The following CACNA1C variants were observed in gnomAD, a reference collection of about 807,000 sequenced individuals.
CACNA1C encodes the protein calcium voltage-gated channel subunit alpha1 C.
A neutral mutation model predicts 229.0 loss-of-function variants in CACNA1C; 30 were observed. The observed-to-expected ratio is 0.13, with a 90% CI of 0.10 to 0.18. The LOEUF is 0.18. Among genes scored for constraint, CACNA1C ranks in the 10% least tolerant of loss-of-function variants. The probability of loss-of-function intolerance (pLI) is 1.00; values close to 1 mark genes in which losing one functional copy is unlikely to be tolerated. For synonymous variants in CACNA1C, 1,114 were observed against 1,132.5 expected (o/e 0.98, Z 0.33); for missense variants, 1,658 against 2,845.0 (o/e 0.58, Z 9.49).
chr12:2,044,806 T>C (rs915196312), intron 1 of CACNA1C, among the ~76,000 whole-genome samples: 2 of 152,204 alleles, frequency 1.3e-5, no homozygotes, highest in African/African-American at 4.8e-5. Flanking sequence ...TTACCTGACC[T>C]GTGTAAGACT....
chr12:2,539,169 C>T (rs912008017), intron 9 of CACNA1C, among the ~76,000 whole-genome samples: 17 of 152,172 alleles, frequency 1.1e-4, no homozygotes, highest in African/African-American at 1.4e-4. Context: ...GTCAGTGTCC[C>T]CATGGAAACA....
intron 22 of CACNA1C, chr12:2,603,905 G>A (rs1360584620): frequency 2.0e-5 from 3 of 152,260 alleles, no homozygotes; most frequent in African/African-American, 7.2e-5. Context: ...AAAAAAGTAT[G>A]GACAGCCATG....
chr12:2,180,730 C>A (rs530355211), intron 3 of CACNA1C, among the ~76,000 whole-genome samples: 1 of 152,262 alleles, frequency 6.6e-6, no homozygotes, highest in East Asian at 1.9e-4. Flanking sequence ...CCAGAATCAG[C>A]TGGGGACCTA....
intron 3 of CACNA1C, among the ~76,000 whole-genome samples, chr12:2,312,333 C>T (rs566088890): frequency 4.6e-5 from 7 of 152,286 alleles, no homozygotes; most frequent in South Asian, 4.1e-4. Flanking sequence ...GTGGGGCAGG[C>T]GTGCGGGTGT....
intron 3 of CACNA1C, among the ~76,000 whole-genome samples, chr12:2,191,773 C>T (rs1291442041): frequency 6.7e-6 from 1 of 148,680 alleles, no homozygotes; most frequent in African/African-American, 2.4e-5. Context: ...CACACCTCCA[C>T]AGGCACATAC....
chr12:2,596,364 G>A (rs2068177114), intron 20 of CACNA1C, among the ~76,000 whole-genome samples: 1 of 152,118 alleles, frequency 6.6e-6, no homozygotes, highest in African/African-American at 2.4e-5. Flanking sequence ...GGGAGCATTG[G>A]CAAATAGGTG....
chr12:2,477,536 G>T (rs540554706), intron 5 of CACNA1C, among the ~76,000 whole-genome samples: 2 of 152,268 alleles, frequency 1.3e-5, no homozygotes, highest in Middle Eastern at 6.8e-3. Flanking sequence ...CTGCTCTCTG[G>T]CTGGGGAGTC....
intron 13 of CACNA1C, among the ~76,000 whole-genome samples, chr12:2,577,908 G>A (rs1041942185): frequency 7.5e-5 from 11 of 146,670 alleles, no homozygotes; most frequent in Admixed American, 3.4e-4. Context: ...TCGCTCTGTC[G>A]CCCAGGCTGG....
intron 1 of CACNA1C, among the ~76,000 whole-genome samples, chr12:2,058,285 C>A (rs189709994): frequency 6.6e-6 from 1 of 152,152 alleles, no homozygotes; most frequent in East Asian, 1.9e-4. Context: ...ACAGGTCAGC[C>A]GGCGTCATCT....
intron 5 of CACNA1C, among the ~76,000 whole-genome samples, chr12:2,459,169 G>GTTTTTTTTTTTTTT (rs59909090): frequency 7.3e-5 from 8 of 109,432 alleles, no homozygotes; most frequent in Non-Finnish European, 1.1e-4. Context: ...TTTTGTGTGT[G>GTTTTTTTTTTTTTT]TTTTTTTTTT....
intron 3 of CACNA1C, among the ~76,000 whole-genome samples, chr12:2,331,684 G>A (rs1294536572): frequency 1.3e-5 from 2 of 152,214 alleles, no homozygotes; most frequent in Non-Finnish European, 2.9e-5. Flanking sequence ...ATGTGGACAC[G>A]CCACCCAATG....
At chr12:2,008,646 G>A (rs922060478) in intron 1 of CACNA1C, among the ~76,000 whole-genome samples, 1 of 152,234 alleles carries the variant, frequency 6.6e-6, no homozygotes, top group East Asian at 1.9e-4. Flanking sequence ...ATAAAAAAAC[G>A]TGCAATAGCA....
intron 3 of CACNA1C, among the ~76,000 whole-genome samples, chr12:2,363,986 C>T (rs989787073): frequency 2.0e-5 from 3 of 152,158 alleles, no homozygotes; most frequent in Non-Finnish European, 4.4e-5. Context: ...TGCCTGGTGA[C>T]GATCAGCCCT....
intron 1 of CACNA1C, among the ~76,000 whole-genome samples, chr12:2,083,970 G>C (rs964484181): frequency 2.0e-5 from 3 of 152,188 alleles, no homozygotes; most frequent in Non-Finnish European, 4.4e-5. Context: ...CACAGAGTTA[G>C]AAAAATTAGG....
intron 3 of CACNA1C, among the ~76,000 whole-genome samples, chr12:2,121,228 C>G (rs906206847): frequency 6.6e-6 from 1 of 152,182 alleles, no homozygotes; most frequent in South Asian, 2.1e-4. Flanking sequence ...TTCCACATGG[C>G]GTGTTTGGTC....
chr12:2,283,020 CT>C lies in CACNA1C; in HGVS notation c.477+162604del, dbSNP rs374051091. ...GAGTGGAGCCAATAACACTCTGGCCCTTTTTTTTTTTTTTACATAAAACAGA... is the reference window on the plus strand; with the variant it reads ...GAGTGGAGCCAATAACACTCTGGCCCTTTTTTTTTTTTTACATAAAACAGA... On this transcript the variant is annotated intron_variant, in intron 3 of 46. Transcript: ENST00000399655. Among the ~76,000 whole-genome samples, 1,290 of 143,904 alleles carry C rather than the reference CT, an allele frequency of 9.0e-3. 2 individuals carry two copies. The highest frequency in any genetic ancestry group is 0.018 in the African/African-American group (706 of 39,502). 94.4% of individuals were successfully genotyped at this position (143,904 alleles called of 152,430 possible). A position where few individuals can be genotyped will look rare whatever the true frequency, so the allele number is the denominator to read the frequency against.
chr12:2,364,518 C>A (rs1232823775), intron 3 of CACNA1C, among the ~76,000 whole-genome samples: 4 of 152,176 alleles, frequency 2.6e-5, no homozygotes, highest in East Asian at 3.9e-4. Flanking sequence ...AATGTGACTT[C>A]TTAATACCGT....
At chr12:2,323,477 G>A (rs1254340368) in intron 3 of CACNA1C, among the ~76,000 whole-genome samples, 2 of 152,086 alleles carry the variant, frequency 1.3e-5, no homozygotes, top group Admixed American at 6.6e-5. Flanking sequence ...GGTGAGTGTC[G>A]CCATCAGAAT....
At chr12:2,405,489 A>G (rs1384897338) in intron 3 of CACNA1C, among the ~76,000 whole-genome samples, 4 of 152,182 alleles carry the variant, frequency 2.6e-5, no homozygotes, top group Non-Finnish European at 4.4e-5. Context: ...CATTTCAAGA[A>G]TGTTATATAA....
Sources: gnomAD v4.1 joint callset for allele counts (sites outside exome capture counted in the v4.1 genomes callset) on GRCh38, gnomAD v4.1.1 for gene constraint, MANE v1.5 for transcripts, NCBI Gene and HGNC (gene_info 2026-07-23, HGNC 2026-07-21) for gene names.